KIF2A: variants seen among roughly 807,000 people sequenced by gnomAD.
KIF2A encodes kinesin-like protein KIF2A.
Under a neutral mutation model 100.2 loss-of-function variants are expected in KIF2A, and 22 were observed. The observed-to-expected ratio is 0.22, with a 90% CI of 0.16 to 0.31. The LOEUF is 0.31. Among genes scored for constraint, KIF2A ranks in the 10% least tolerant of loss-of-function variants. The pLI is 1.00. For synonymous variants in KIF2A, 268 were observed against 285.9 expected, an observed-to-expected ratio of 0.94 and a Z score of 0.63; for missense variants, 495 against 898.7, an observed-to-expected ratio of 0.55 and a Z score of 5.74.
Position 62,347,164 on chromosome 5 carries a change from T to C in KIF2A, c.99T>C (p.Asn33=). The stretch of plus-strand genomic sequence containing the variant: ...ATCAAGCAATGGTAACATCTTTAAA[T>C]GAAGATAATGAAAGTGTAACTGTTG... The part of the protein sequence containing the change: ...RIHQAMVTSL[N]EDNESVTVEW... The change falls in exon 2 of 21, where the codon AAT becomes AAC. Residue 33 remains asparagine (N), a synonymous_variant. Coordinates refer to ENST00000407818, the MANE Select transcript of KIF2A (RefSeq NM_001098511.3). The C allele has an allele frequency of 6.2e-7, 1 of 1,604,218 alleles. No homozygotes were observed. Among genetic ancestry groups the C allele is most frequent in the Non-Finnish European group, 8.5e-7 (1 of 1,173,910 alleles).
chr5:62,309,642 A>G (rs1463985921), intron 1 of KIF2A, among the ~76,000 whole-genome samples: 1 of 152,212 alleles, frequency 6.6e-6, no homozygotes, highest in South Asian at 2.1e-4. Flanking sequence ...TAGAAATGAC[A>G]TGAGTAAAGA....
At chr5:62,361,748 G>A (rs543335851) in intron 11 of KIF2A, among the ~76,000 whole-genome samples, 13 of 151,076 alleles carry the variant, frequency 8.6e-5, no homozygotes, top group African/African-American at 3.2e-4. Flanking sequence ...TAGGCTGGGT[G>A]TGGTGGTTCA....
chr5:62,367,487 G>A (rs1263644374), intron 16 of KIF2A, among the ~76,000 whole-genome samples: 1 of 151,960 alleles, frequency 6.6e-6, no homozygotes, highest in African/African-American at 2.4e-5. Flanking sequence ...GGCTGGTCTC[G>A]AACTCCTGAC....
intron 1 of KIF2A, among the ~76,000 whole-genome samples, chr5:62,345,411 G>C (rs1747509908): frequency 6.6e-6 from 1 of 151,790 alleles, no homozygotes; most frequent in Non-Finnish European, 1.5e-5. Context: ...GCTGGGCATG[G>C]TGGTGCATGC....
At position 62,387,479 on chromosome 5, in the gene KIF2A, A is replaced by C. The variant is rs1206561216; in HGVS notation, c.*1910A>C. On this transcript the variant is annotated 3_prime_UTR_variant, in exon 21 of 21. Transcript: ENST00000407818. ...GTCTTTGGAAAGTCTCCTTATAGAC[A>C]AATATGCTGCCTTACACTATGATGG... 1 of 152,200 alleles carries C rather than the reference A, an allele frequency of 6.6e-6. No homozygotes were observed. The highest frequency in any genetic ancestry group is 1.5e-5 in the Non-Finnish European group (1 of 68,018). The allele number at this position is 152,200 out of a possible 1,614,324, so 9.4% of individuals were successfully genotyped here. A position where few individuals can be genotyped will look rare whatever the true frequency, so the allele number is the denominator to read the frequency against.
At chr5:62,319,864 T>C (rs1746014962) in intron 1 of KIF2A, among the ~76,000 whole-genome samples, 1 of 152,206 alleles carries the variant, frequency 6.6e-6, no homozygotes, top group African/African-American at 2.4e-5. Flanking sequence ...CCATGACTAA[T>C]GAAGTTCCAA....
intron 16 of KIF2A, 147 bp from the exon 17 acceptor site, chr5:62,372,291 T>C (rs1436219229): frequency 1.7e-6 from 1 of 604,462 alleles, no homozygotes; most frequent in Non-Finnish European, 2.9e-6. Context: ...AAATTTGTTA[T>C]TTGTAAAATA....
chr5:62,363,854 T>A lies in KIF2A; in HGVS notation c.1422T>A (p.Thr474=), dbSNP rs982139612. ...GADTSSADRQ[T]RLEGAEINKS... Reference sequence around the variant, plus strand: ...ATACTTCCAGTGCGGACAGGCAAACTAGGCTTGAAGGTGCTGAAATTAATA... The same window carrying A: ...ATACTTCCAGTGCGGACAGGCAAACAAGGCTTGAAGGTGCTGAAATTAATA... Residue 474 remains threonine (T), a synonymous_variant, in exon 14 of 21, where the codon ACT becomes ACA. Coordinates refer to ENST00000407818, the MANE Select transcript of KIF2A (RefSeq NM_001098511.3). The A allele has an allele frequency of 1.2e-6, 2 of 1,613,704 alleles. No individual in the cohort carries two copies. Among genetic ancestry groups the A allele is most frequent in the African/African-American group, 2.7e-5 (2 of 74,920 alleles).
At chr5:62,311,890 G>C (rs930639912) in intron 1 of KIF2A, 1 of 152,136 alleles carries the variant, frequency 6.6e-6, no homozygotes, top group Admixed American at 6.5e-5. Context: ...AGGTAAGCAG[G>C]ATAGAAAGGT....
chr5:62,354,187 T>A (rs927531028), intron 6 of KIF2A, among the ~76,000 whole-genome samples: 24 of 152,240 alleles, frequency 1.6e-4, no homozygotes, highest in African/African-American at 5.5e-4. Flanking sequence ...AATGACCAGT[T>A]GGGTTTTGAA....
chr5:62,347,107 G>A, intron 1 of KIF2A, 23 bp from the exon 2 acceptor site: 1 of 1,361,356 alleles, frequency 7.3e-7, no homozygotes, highest in Non-Finnish European at 1.0e-6. Context: ...CATTTTTAAG[G>A]TGTATACTTT....
At chr5:62,359,892 C>G (rs1748304167) in intron 9 of KIF2A, among the ~76,000 whole-genome samples, 1 of 152,062 alleles carries the variant, frequency 6.6e-6, no homozygotes, top group Non-Finnish European at 1.5e-5. Flanking sequence ...TTTTCCTGCT[C>G]CTTTTGTTCT....
At chr5:62,329,034 CAT>C (rs1339747864) in intron 1 of KIF2A, among the ~76,000 whole-genome samples, 2 of 152,036 alleles carry the variant, frequency 1.3e-5, no homozygotes, top group Admixed American at 6.6e-5. Context: ...TTTGAAAATT[CAT>C]AGTTTGTTTT....
At chr5:62,327,158 T>C (rs975782141) in intron 1 of KIF2A, among the ~76,000 whole-genome samples, 1 of 152,234 alleles carries the variant, frequency 6.6e-6, no homozygotes, top group African/African-American at 2.4e-5. Context: ...TGGTATCTCA[T>C]TTCCCTGACC....
chr5:62,365,084 C>A (rs952481928), intron 14 of KIF2A, among the ~76,000 whole-genome samples, 159 bp from the exon 15 acceptor site: 11 of 151,974 alleles, frequency 7.2e-5, no homozygotes, highest in African/African-American at 2.7e-4. Context: ...CAGAGCGAGA[C>A]TTTGTCTCAA....
intron 1 of KIF2A, among the ~76,000 whole-genome samples, chr5:62,328,890 A>C (rs896772339): frequency 7.2e-5 from 11 of 152,260 alleles, no homozygotes; most frequent in Admixed American, 5.2e-4. Flanking sequence ...AAGCTGCACA[A>C]CGGGCCCTTC....
chr5:62,382,671 T>G (rs1345830221), intron 20 of KIF2A, among the ~76,000 whole-genome samples: 1 of 151,230 alleles, frequency 6.6e-6, no homozygotes, highest in African/African-American at 2.4e-5. Context: ...TTTGCTCTTA[T>G]TGTCCAGGCT....
intron 3 of KIF2A, among the ~76,000 whole-genome samples, chr5:62,349,695 CT>C (rs965948708): frequency 1.3e-5 from 2 of 152,106 alleles, no homozygotes; most frequent in African/African-American, 2.4e-5. Flanking sequence ...AAATTACCCC[CT>C]ATTATTCAGA....
chr5:62,336,510 C>T (rs556219322), intron 1 of KIF2A, among the ~76,000 whole-genome samples: 64 of 152,218 alleles, frequency 4.2e-4, no homozygotes, highest in South Asian at 1.2e-3. Context: ...TAGAAAACCC[C>T]CATGTCTGGA....
Sources: gnomAD v4.1 joint callset for allele counts (sites outside exome capture counted in the v4.1 genomes callset) on GRCh38, gnomAD v4.1.1 for gene constraint, MANE v1.5 for transcripts, NCBI Gene and HGNC (gene_info 2026-07-23, HGNC 2026-07-21) for gene names.